ADIPOR2: variants seen among roughly 807,000 people sequenced by gnomAD.
ADIPOR2 encodes the protein adiponectin receptor 2, also known as adiponectin receptor protein 2.
In ADIPOR2, 18 loss-of-function variants were observed where a neutral mutation model predicts 40.9. The ratio of observed to expected loss-of-function variants is 0.44; its 90% CI spans 0.30 to 0.65. The LOEUF (loss-of-function observed/expected upper bound fraction) is 0.65. Ranked by LOEUF, ADIPOR2 falls within the 30% of genes least tolerant of loss-of-function variation. ADIPOR2 has a pLI of 0.09. For missense variants in ADIPOR2, 283 were observed against 479.2 expected (o/e 0.59, Z 3.82); for synonymous variants, 165 against 166.4 (o/e 0.99, Z 0.06).
intron 1 of ADIPOR2, among the ~76,000 whole-genome samples, 159 bp from the exon 2 acceptor site, chr12:1,754,099 A>G (rs1862060889): frequency 6.6e-6 from 1 of 152,124 alleles, no homozygotes; most frequent in South Asian, 2.1e-4. Context: ...TTAAAAAGAG[A>G]TTTTTGGCTA....
intron 1 of ADIPOR2, among the ~76,000 whole-genome samples, chr12:1,704,901 C>G (rs902122152): frequency 6.6e-5 from 10 of 152,116 alleles, no homozygotes; most frequent in South Asian, 6.2e-4. Context: ...TAGAATTGAG[C>G]AATATTGATA....
intron 1 of ADIPOR2, among the ~76,000 whole-genome samples, chr12:1,750,934 C>T (rs1017737224): frequency 5.3e-5 from 8 of 151,468 alleles, no homozygotes; most frequent in Admixed American, 4.6e-4. Context: ...TTTTTTCCCT[C>T]ATTTAATTAT....
chr12:1,751,352 T>C (rs2094768705), intron 1 of ADIPOR2, among the ~76,000 whole-genome samples: 1 of 152,182 alleles, frequency 6.6e-6, no homozygotes, highest in African/African-American at 2.4e-5. Flanking sequence ...GATAGGAATG[T>C]ATATTGATCT....
chr12:1,743,677 TA>T (rs904488217), intron 1 of ADIPOR2, among the ~76,000 whole-genome samples: 5 of 151,882 alleles, frequency 3.3e-5, no homozygotes, highest in Admixed American at 3.3e-4. Flanking sequence ...AATATTAAAT[TA>T]AAAAAAACCC....
intron 2 of ADIPOR2, among the ~76,000 whole-genome samples, chr12:1,761,955 A>G (rs554872982): frequency 2.1e-3 from 316 of 152,350 alleles, no homozygotes; most frequent in Non-Finnish European, 3.6e-3. Context: ...AATTCTTTCT[A>G]TAACCTTCGG....
At chr12:1,735,032 G>A (rs1440525874) in intron 1 of ADIPOR2, among the ~76,000 whole-genome samples, 1 of 152,174 alleles carries the variant, frequency 6.6e-6, no homozygotes, top group Non-Finnish European at 1.5e-5. Context: ...GTAGCGTGAT[G>A]CCTCCAGCTT....
chr12:1,741,288 G>A (rs946284503), intron 1 of ADIPOR2, among the ~76,000 whole-genome samples: 1 of 152,168 alleles, frequency 6.6e-6, no homozygotes, highest in African/African-American at 2.4e-5. Flanking sequence ...AGGGAGGCCT[G>A]TTAGGGGATT....
rs1592638673 is a variant in ADIPOR2 at position 1,788,434 on chromosome 12, T to C, written c.*2362T>C. 6.6e-6 allele frequency: 1 copy of C among 152,660 alleles called. No homozygotes were observed. Among genetic ancestry groups the C allele is most frequent in the East Asian group, 1.9e-4 (1 of 5,200 alleles). The allele number at this position is 152,660 out of a possible 1,614,324, so 9.5% of individuals were successfully genotyped here. On this transcript the variant is annotated 3_prime_UTR_variant, in exon 8 of 8. Transcript: ENST00000357103. ...TTGCTTGCTCTGTGCAGATTTTTAATTTTCTTTTTTGGCCCTAGGCTGGTT... is the reference window on the plus strand; with the variant it reads ...TTGCTTGCTCTGTGCAGATTTTTAACTTTCTTTTTTGGCCCTAGGCTGGTT...
chr12:1,775,094 C>G (rs1031794516), intron 3 of ADIPOR2, among the ~76,000 whole-genome samples: 4 of 152,038 alleles, frequency 2.6e-5, no homozygotes, highest in African/African-American at 9.7e-5. Context: ...CCTCGGCCTC[C>G]CATAGTGCTG....
chr12:1,711,668 C>T (rs1402397860), intron 1 of ADIPOR2, among the ~76,000 whole-genome samples: 1 of 151,604 alleles, frequency 6.6e-6, no homozygotes, highest in Non-Finnish European at 1.5e-5. Context: ...TCTTTTCTGT[C>T]TCTTCCTCTC....
intron 1 of ADIPOR2, among the ~76,000 whole-genome samples, chr12:1,739,773 C>T (rs1331055193): frequency 6.6e-6 from 1 of 152,204 alleles, no homozygotes; most frequent in East Asian, 1.9e-4. Flanking sequence ...CTCAATCACA[C>T]ATGCAGTTTC....
intron 2 of ADIPOR2, chr12:1,758,011 T>C: frequency 1.2e-6 from 1 of 864,134 alleles, no homozygotes; most frequent in Non-Finnish European, 2.0e-6. Flanking sequence ...CCACGCGCCA[T>C]GGCTGCGTTA....
At chr12:1,736,230 T>C (rs1458680929) in intron 1 of ADIPOR2, among the ~76,000 whole-genome samples, 2 of 152,128 alleles carry the variant, frequency 1.3e-5, no homozygotes, top group Non-Finnish European at 2.9e-5. Flanking sequence ...GTCCTGGACT[T>C]TTTTTGGTTG....
intron 3 of ADIPOR2, among the ~76,000 whole-genome samples, chr12:1,777,086 T>C (rs1862609565): frequency 6.6e-6 from 1 of 152,178 alleles, no homozygotes; most frequent in Non-Finnish European, 1.5e-5. Flanking sequence ...AAGAGTAAGA[T>C]GGAGGGAGAG....
chr12:1,733,566 A>C (rs1325378582), intron 1 of ADIPOR2, among the ~76,000 whole-genome samples: 1 of 152,164 alleles, frequency 6.6e-6, no homozygotes, highest in Non-Finnish European at 1.5e-5. Context: ...ATACATTTAC[A>C]GGTTTGGAAA....
chr12:1,719,637 C>T (rs117074207), intron 1 of ADIPOR2, among the ~76,000 whole-genome samples: 2,295 of 151,664 alleles, frequency 0.015, 23 homozygotes, highest in Middle Eastern at 0.056. Context: ...ATGTTAGCTG[C>T]TCCTGTCATC....
chr12:1,738,632 A>G (rs2094736254), intron 1 of ADIPOR2, among the ~76,000 whole-genome samples: 1 of 152,134 alleles, frequency 6.6e-6, no homozygotes, highest in South Asian at 2.1e-4. Flanking sequence ...TTGAATTGCT[A>G]GTGGTTTATG....
chr12:1,746,025 C>G (rs1390691115), intron 1 of ADIPOR2, among the ~76,000 whole-genome samples: 1 of 151,790 alleles, frequency 6.6e-6, no homozygotes, highest in Non-Finnish European at 1.5e-5. Flanking sequence ...TTTCACTTAC[C>G]CAGTTTCCTT....
intron 1 of ADIPOR2, among the ~76,000 whole-genome samples, chr12:1,701,504 G>C (rs768832434): frequency 1.3e-5 from 2 of 152,060 alleles, no homozygotes; most frequent in Non-Finnish European, 2.9e-5. Context: ...CATATTTTCA[G>C]ATTTGATGTA....
Sources: allele counts gnomAD v4.1 joint callset (sites outside exome capture counted in the v4.1 genomes callset), GRCh38; gene constraint gnomAD v4.1.1; transcripts MANE v1.5; gene names NCBI Gene and HGNC (gene_info 2026-07-23, HGNC 2026-07-21).